Variants in SORCS1 observed in about 807,000 individuals in gnomAD.
SORCS1 encodes VPS10 domain-containing receptor SorCS1.
Under a neutral mutation model 146.1 loss-of-function variants are expected in SORCS1, and 60 were observed. The ratio of observed to expected loss-of-function variants is 0.41; its 90% CI spans 0.33 to 0.51. SORCS1 has a LOEUF of 0.51. SORCS1 is among the 20% of genes least tolerant of loss of function. The probability of loss-of-function intolerance (pLI) is 0.21; values close to 1 mark genes in which losing one functional copy is unlikely to be tolerated. For synonymous variants in SORCS1, 637 were observed against 584.0 expected (o/e 1.09, Z -1.31); for missense variants, 1,352 against 1,487.6 (o/e 0.91, Z 1.50).
rs191033020 is a variant in SORCS1 at position 106,885,520 on chromosome 10, T to C, written c.627-55847A>G. ...GATTTGGCAGGTCTTACAAGAACTCTTCTTTCATTGTTGCAGGAAACGTGA... is the reference window on the plus strand; with the variant it reads ...GATTTGGCAGGTCTTACAAGAACTCCTCTTTCATTGTTGCAGGAAACGTGA... On this transcript the variant is annotated intron_variant, in intron 2 of 25. Transcript: ENST00000263054. 1.5e-3 allele frequency among the ~76,000 whole-genome samples: 224 copies of C among 152,264 alleles called. 1 individual carries two copies. The highest frequency in any genetic ancestry group is 5.0e-3 in the African/African-American group (206 of 41,508).
chr10:106,641,135 GTA>G (rs2133676319), intron 18 of SORCS1, among the ~76,000 whole-genome samples: 1 of 152,292 alleles, frequency 6.6e-6, no homozygotes, highest in South Asian at 2.1e-4. Context: ...GAGGCAGGTG[GTA>G]TTGATGACAT....
At chr10:106,632,577 C>A (rs1477745353) in intron 18 of SORCS1, among the ~76,000 whole-genome samples, 1 of 152,226 alleles carries the variant, frequency 6.6e-6, no homozygotes, top group Non-Finnish European at 1.5e-5. Flanking sequence ...ATTCACCCAA[C>A]AGTCAGATAT....
At chr10:106,902,758 C>T (rs538068493) in intron 2 of SORCS1, among the ~76,000 whole-genome samples, 146 of 152,252 alleles carry the variant, frequency 9.6e-4, no homozygotes, top group African/African-American at 3.4e-3. Context: ...GTGGTTATTC[C>T]TGCATAACAA....
chr10:106,620,103 G>A (rs7085383), intron 20 of SORCS1: 24,492 of 185,876 alleles, frequency 0.13, 2,336 homozygotes, highest in East Asian at 0.3. Flanking sequence ...TCAATTTCAG[G>A]ACTGTTGTTA....
At chr10:106,723,140 G>A (rs1230754927) in intron 6 of SORCS1, among the ~76,000 whole-genome samples, 2 of 152,128 alleles carry the variant, frequency 1.3e-5, no homozygotes, top group Non-Finnish European at 2.9e-5. Flanking sequence ...GGGCAACATG[G>A]TGAGACCTTA....
At chr10:106,786,110 A>G (rs1946043059) in intron 3 of SORCS1, among the ~76,000 whole-genome samples, 1 of 152,186 alleles carries the variant, frequency 6.6e-6, no homozygotes, top group South Asian at 2.1e-4. Flanking sequence ...CAATATACAT[A>G]CCTCAGAAGC....
chr10:106,952,033 T>A (rs1337471486), intron 2 of SORCS1, among the ~76,000 whole-genome samples: 4 of 152,198 alleles, frequency 2.6e-5, no homozygotes, highest in Admixed American at 6.5e-5. Context: ...ACTAGCTCAT[T>A]GCATTCAGAC....
intron 2 of SORCS1, among the ~76,000 whole-genome samples, chr10:106,894,948 A>G (rs778618583): frequency 1.3e-4 from 20 of 152,194 alleles, no homozygotes; most frequent in Non-Finnish European, 4.4e-5. Flanking sequence ...GGATTACATG[A>G]GTATTTTTTT....
At chr10:107,014,113 G>A (rs1436421734) in intron 1 of SORCS1, among the ~76,000 whole-genome samples, 13 of 152,048 alleles carry the variant, frequency 8.5e-5, no homozygotes, top group African/African-American at 3.1e-4. Context: ...TTAGCTGGGT[G>A]TGGTGGCGCA....
chr10:106,685,969 A>G (rs1852799117), intron 10 of SORCS1, among the ~76,000 whole-genome samples: 1 of 152,216 alleles, frequency 6.6e-6, no homozygotes, highest in South Asian at 2.1e-4. Flanking sequence ...AAGAGGCACA[A>G]AGGTATTTTT....
rs1465752198 is a variant in SORCS1, at chr10:106,618,135, A to C, written c.2920+14T>G. 1 of 1,613,820 alleles carries C rather than the reference A, an allele frequency of 6.2e-7. No homozygotes were observed. The highest frequency in any genetic ancestry group is 2.2e-5 in the East Asian group (1 of 44,868). ...CATGAAGACAGCAGTAGATCCACTGAGATGGGCACTCACCATATACTGCGA... is the reference window on the plus strand; with the variant it reads ...CATGAAGACAGCAGTAGATCCACTGCGATGGGCACTCACCATATACTGCGA... On this transcript the variant is annotated intron_variant, in intron 21 of 25. Transcript: ENST00000263054.
At chr10:106,622,255 A>C (rs1364319276) in intron 19 of SORCS1, among the ~76,000 whole-genome samples, 2 of 137,008 alleles carry the variant, frequency 1.5e-5, no homozygotes, top group Admixed American at 1.7e-4. Flanking sequence ...ACACCACTGC[A>C]CTCCAGCCTG....
chr10:106,782,688 G>C (rs1860989753), intron 3 of SORCS1, among the ~76,000 whole-genome samples: 1 of 152,234 alleles, frequency 6.6e-6, no homozygotes, highest in Admixed American at 6.5e-5. Flanking sequence ...ACTGAACATA[G>C]TCTTCTCCTT....
At chr10:106,823,518 C>A (rs549571414) in intron 3 of SORCS1, among the ~76,000 whole-genome samples, 8 of 152,178 alleles carry the variant, frequency 5.3e-5, no homozygotes, top group African/African-American at 1.7e-4. Context: ...AACCAAAGTT[C>A]AATTCAAATA....
At chr10:106,878,593 A>G (rs368461135) in intron 2 of SORCS1, among the ~76,000 whole-genome samples, 1 of 131,146 alleles carries the variant, frequency 7.6e-6, no homozygotes, top group Non-Finnish European at 1.6e-5. Flanking sequence ...AAACTGAGAA[A>G]AAAATTTGTT....
chr10:106,984,030 G>A (rs1564887466), intron 1 of SORCS1, among the ~76,000 whole-genome samples: 1 of 152,116 alleles, frequency 6.6e-6, no homozygotes, highest in Non-Finnish European at 1.5e-5. Context: ...GTAAATGCAG[G>A]AACTAATGGC....
chr10:106,597,600 C>A, intron 23 of SORCS1, 150 bp from the exon 24 acceptor site: 1 of 591,578 alleles, frequency 1.7e-6, no homozygotes, highest in Non-Finnish European at 2.9e-6. Context: ...GATTTAATTC[C>A]AGAATATGCA....
At chr10:106,839,772 G>A (rs955311701) in intron 2 of SORCS1, among the ~76,000 whole-genome samples, 1 of 152,216 alleles carries the variant, frequency 6.6e-6, no homozygotes, top group Non-Finnish European at 1.5e-5. Flanking sequence ...GTGACTTTCA[G>A]TTGAAGTCAA....
chr10:106,878,649 T>TATACA (rs1491300730), intron 2 of SORCS1, among the ~76,000 whole-genome samples: 1 of 137,866 alleles, frequency 7.3e-6, no homozygotes, highest in Admixed American at 7.2e-5. Flanking sequence ...TATATATATA[T>TATACA]TTTATAGCAG....
Sources: allele counts gnomAD v4.1 joint callset (sites outside exome capture counted in the v4.1 genomes callset), GRCh38; gene constraint gnomAD v4.1.1; transcripts MANE v1.5; gene names NCBI Gene and HGNC (gene_info 2026-07-23, HGNC 2026-07-21).